Variants in PTPRA observed in about 807,000 individuals in gnomAD.
The protein encoded by PTPRA is receptor-type tyrosine-protein phosphatase alpha.
A neutral mutation model predicts 104.8 loss-of-function variants in PTPRA; 25 were observed. That is an observed-to-expected ratio of 0.24 (90% CI 0.17 to 0.33). The LOEUF is 0.33. Ranked by LOEUF, PTPRA falls within the 10% of genes least tolerant of loss-of-function variation. PTPRA has a pLI of 1.00. For synonymous variants in PTPRA, 323 were observed against 368.9 expected, an observed-to-expected ratio of 0.88 and a Z score of 1.43; for missense variants, 765 against 1,015.3, an observed-to-expected ratio of 0.75 and a Z score of 3.35.
At chr20:2,874,962 C>A (rs2089616427) in intron 1 of PTPRA, among the ~76,000 whole-genome samples, 1 of 152,290 alleles carries the variant, frequency 6.6e-6, no homozygotes, top group African/African-American at 2.4e-5. Flanking sequence ...TTCTTCCCCA[C>A]CTTTACCTGC....
chr20:2,991,754 C>CT, intron 9 of PTPRA, among the ~76,000 whole-genome samples: 1 of 152,318 alleles, frequency 6.6e-6, no homozygotes, highest in East Asian at 1.9e-4. Context: ...TGGGCCAGCA[C>CT]TAGGGTAGTG....
At chr20:2,872,452 C>A (rs1046635173), upstream of PTPRA, among the ~76,000 whole-genome samples, 9 of 152,250 alleles carry the variant, frequency 5.9e-5, no homozygotes, top group African/African-American at 2.2e-4. This position sits in a 1 kb window ranked among gnomAD's most constrained non-coding sequence, Gnocchi z 7.9. Flanking sequence ...TACCCGCAAG[C>A]TCGGTTTGTG....
chr20:2,988,112 C>T lies in PTPRA; in HGVS notation c.601+7C>T. On this transcript the variant is annotated splice_region_variant and intron_variant, in intron 8 of 23. Coordinates refer to ENST00000399903, the MANE Select transcript of PTPRA (RefSeq NM_001385305.1). ...GGCCGCACTGAGGATGTGGGTAAGG[C>T]ATTCCTTAATGTCATGGGGAACCTT... 6.4e-7 allele frequency: 1 copy of T among 1,568,258 alleles called. No homozygotes were observed. The highest frequency in any genetic ancestry group is 1.4e-5 in the African/African-American group (1 of 73,950).
rs145189116 is a variant in PTPRA, at chr20:2,981,877, G to A, written c.443-4888G>A. On this transcript the variant is annotated intron_variant, in intron 6 of 23. Coordinates refer to ENST00000399903, the MANE Select transcript of PTPRA (RefSeq NM_001385305.1). Reference sequence around the variant, plus strand: ...GCTCTTTGGCTCTGTTTGATCTCTTGGACATCGAGTCTGGTCTGTTTTGTC... The same window carrying A: ...GCTCTTTGGCTCTGTTTGATCTCTTAGACATCGAGTCTGGTCTGTTTTGTC... Among the ~76,000 whole-genome samples the A allele has an allele frequency of 2.0e-5, 3 of 152,192 alleles. No individual in the cohort carries two copies. In the East Asian group the frequency reaches 5.8e-4, roughly 29 times the overall value.
At chr20:2,893,425 AC>A (rs1355031926) in intron 1 of PTPRA, among the ~76,000 whole-genome samples, 19 of 152,222 alleles carry the variant, frequency 1.2e-4, no homozygotes, top group African/African-American at 3.4e-4. Context: ...ATGCACATCA[AC>A]TGGACATTTA....
At chr20:3,004,489 T>C (rs1353400936) in intron 9 of PTPRA, among the ~76,000 whole-genome samples, 6 of 152,242 alleles carry the variant, frequency 3.9e-5, no homozygotes, top group Admixed American at 3.9e-4. Flanking sequence ...CCAAATCTTC[T>C]GCTTCTTAAC....
intron 9 of PTPRA, among the ~76,000 whole-genome samples, chr20:2,993,101 A>AGATT (rs111611288): frequency 1.3e-5 from 2 of 152,098 alleles, no homozygotes; most frequent in Non-Finnish European, 2.9e-5. Flanking sequence ...GTAGGTAGGT[A>AGATT]GATTGATTGA....
intron 11 of PTPRA, among the ~76,000 whole-genome samples, chr20:3,012,035 G>A (rs576001723): frequency 1.3e-5 from 2 of 152,320 alleles, no homozygotes; most frequent in African/African-American, 2.4e-5. Context: ...GCTAGGTCTC[G>A]TGGATTGCTG....
At chr20:2,993,301 C>A (rs2063265368) in intron 9 of PTPRA, among the ~76,000 whole-genome samples, 1 of 152,142 alleles carries the variant, frequency 6.6e-6, no homozygotes, top group African/African-American at 2.4e-5. Flanking sequence ...GTGCTGCAGG[C>A]CTTTGACTTT....
At chr20:2,891,220 T>C (rs111574180) in intron 1 of PTPRA, among the ~76,000 whole-genome samples, 2 of 152,238 alleles carry the variant, frequency 1.3e-5, no homozygotes, top group Non-Finnish European at 1.5e-5. Context: ...AGATGACTGC[T>C]GCAGGTTCCC....
intron 13 of PTPRA, among the ~76,000 whole-genome samples, chr20:3,020,067 AGAGAGGGAGAGGGAGACCGTGGGGAGAGG>A (rs1425727459): frequency 4.6e-5 from 7 of 151,966 alleles, no homozygotes; most frequent in African/African-American, 1.5e-4. Flanking sequence ...GACCGTGGAA[AGAGAGGGAGAGGGAGACCGTGGGGAGAGG>A]GAGAGGGAGA....
At chr20:2,866,875 C>T in the PTPRA span, 1 of 379,380 alleles carries the variant, frequency 2.6e-6, no homozygotes, top group African/African-American at 2.0e-5. Flanking sequence ...AGAAACGTGT[C>T]CTCTCCACAG....
At chr20:2,879,010 A>G (rs932151560) in intron 1 of PTPRA, among the ~76,000 whole-genome samples, 1 of 152,252 alleles carries the variant, frequency 6.6e-6, no homozygotes, top group Non-Finnish European at 1.5e-5. Context: ...TCAGTTGGAA[A>G]TACCAGGCAT....
At position 2,950,944 on chromosome 20, in the gene PTPRA, A is replaced by G. The variant is rs567195523; in HGVS notation, c.-7+2920A>G. Reference sequence around the variant, plus strand: ...CCAAAGTTTTCTTGTGTCTTTTATAATCACTGCCTCTTGCCCCTGCCCACT... The same window carrying G: ...CCAAAGTTTTCTTGTGTCTTTTATAGTCACTGCCTCTTGCCCCTGCCCACT... On this transcript the variant is annotated intron_variant, in intron 3 of 23. Transcript: ENST00000399903. The surrounding 1 kb of genome is among the most constrained non-coding windows in gnomAD (Gnocchi z 4.0). 5.5e-4 allele frequency among the ~76,000 whole-genome samples: 84 copies of G among 152,224 alleles called. No individual in the cohort carries two copies. Among genetic ancestry groups the G allele is most frequent in the Admixed American group, 3.2e-3 (49 of 15,296 alleles).
At chr20:2,872,457 T>G (rs111860838), upstream of PTPRA, among the ~76,000 whole-genome samples, 609 of 152,332 alleles carry the variant, frequency 4.0e-3, 1 homozygote, top group Non-Finnish European at 6.5e-3. The surrounding 1 kb of genome is among the most constrained non-coding windows in gnomAD (Gnocchi z 7.9). Flanking sequence ...GCAAGCTCGG[T>G]TTGTGCGCTA....
At chr20:2,914,609 A>G (rs911964022) in intron 1 of PTPRA, among the ~76,000 whole-genome samples, 1 of 151,786 alleles carries the variant, frequency 6.6e-6, no homozygotes, top group Non-Finnish European at 1.5e-5. Context: ...ATATATTACT[A>G]TTTACTTAAT....
chr20:3,033,070 G>C (rs2065589437), intron 20 of PTPRA, among the ~76,000 whole-genome samples: 3 of 151,808 alleles, frequency 2.0e-5, no homozygotes, highest in Admixed American at 6.6e-5. Context: ...GAGTATACTA[G>C]ACTCGGGCGC....
intron 9 of PTPRA, among the ~76,000 whole-genome samples, chr20:2,992,346 G>C (rs1017999007): frequency 2.6e-5 from 4 of 151,996 alleles, no homozygotes; most frequent in Non-Finnish European, 5.9e-5. Flanking sequence ...GTGAAACCCC[G>C]TCTCTACTAA....
At chr20:3,008,434 A>G (rs1232454652) in intron 11 of PTPRA, among the ~76,000 whole-genome samples, 1 of 152,232 alleles carries the variant, frequency 6.6e-6, no homozygotes, top group Admixed American at 6.5e-5. Context: ...TAGAGTAGTC[A>G]AATTCACAGG....
Sources: allele counts gnomAD v4.1 joint callset (sites outside exome capture counted in the v4.1 genomes callset), GRCh38; gene constraint gnomAD v4.1.1; non-coding constraint Gnocchi (gnomAD v3.1); transcripts MANE v1.5; gene names NCBI Gene and HGNC (gene_info 2026-07-23, HGNC 2026-07-21).